The following ADORA1 variants were observed in gnomAD, a reference collection of about 807,000 sequenced individuals.
The protein encoded by ADORA1 is adenosine A1 receptor.
In ADORA1, 6 loss-of-function variants were observed where a neutral mutation model predicts 19.9. That is an observed-to-expected ratio of 0.30 (90% confidence interval 0.17 to 0.59). ADORA1 has a LOEUF of 0.59. ADORA1 is among the 20% of genes least tolerant of loss of function. The probability of loss-of-function intolerance (pLI) is 0.87; values close to 1 mark genes in which losing one functional copy is unlikely to be tolerated. For synonymous variants in ADORA1, 194 were observed against 188.4 expected (o/e 1.03, Z -0.24); for missense variants, 302 against 439.2 (o/e 0.69, Z 2.79).
At chr1:203,156,743 C>T (rs976107481) in intron 3 of ADORA1, among the ~76,000 whole-genome samples, 5 of 152,164 alleles carry the variant, frequency 3.3e-5, no homozygotes, top group Admixed American at 2.6e-4. Context: ...TTATTTGGCT[C>T]ACAGTTCTGG....
chr1:203,154,992 C>T (rs1394565644), intron 3 of ADORA1, among the ~76,000 whole-genome samples: 1 of 151,384 alleles, frequency 6.6e-6, no homozygotes, highest in African/African-American at 2.4e-5. Context: ...TGTTCACCAT[C>T]TGATGGCATC....
intron 3 of ADORA1, among the ~76,000 whole-genome samples, chr1:203,150,972 T>C (rs1655013047): frequency 6.6e-6 from 1 of 152,170 alleles, no homozygotes; most frequent in Non-Finnish European, 1.5e-5. Context: ...CACTCCAGAC[T>C]GTCAGCAGGC....
intron 3 of ADORA1, chr1:203,152,789 C>T (rs539774607): frequency 6.6e-6 from 1 of 152,348 alleles, no homozygotes; most frequent in Non-Finnish European, 1.5e-5. Flanking sequence ...AGGACCACCG[C>T]CTCACGGGGA....
At position 203,150,610 on chromosome 1, in the gene ADORA1, A is replaced by T. The variant is rs3820147; in HGVS notation, c.342-14651A>T. ...GGGGAGAAAGGCCAGGATCGGGGAG[A>T]ATATGACTGTACTTCTTCCAGGTCC... On this transcript the variant is annotated intron_variant, in intron 3 of 3. Coordinates refer to ENST00000337894, the MANE Select transcript of ADORA1 (RefSeq NM_000674.3). 3.7e-3 allele frequency: 4,788 copies of T among 1,288,798 alleles called. 158 individuals are homozygous for T. In the East Asian group the frequency reaches 0.099, roughly 27 times the overall value. 79.8% of individuals were successfully genotyped at this position (1,288,798 alleles called of 1,614,324 possible).
chr1:203,133,518 G>C (rs1287251391), intron 3 of ADORA1, among the ~76,000 whole-genome samples: 1 of 152,238 alleles, frequency 6.6e-6, no homozygotes, highest in African/African-American at 2.4e-5. Flanking sequence ...TTGACTCTAG[G>C]CCTAACAGAT....
intron 3 of ADORA1, among the ~76,000 whole-genome samples, chr1:203,137,062 G>T (rs1418630468): frequency 1.3e-5 from 2 of 152,174 alleles, no homozygotes; most frequent in Non-Finnish European, 2.9e-5. Flanking sequence ...AAAAGAAAAA[G>T]GGGGCAGGGT....
chr1:203,165,293 C>A lies in ADORA1; in HGVS notation c.374C>A (p.Ala125Glu). The A allele has an allele frequency of 6.4e-7, 1 of 1,571,332 alleles. No homozygotes were observed. ...ATGGTGGTGACCCCCCGGAGGGCGG[C>A]GGTGGCCATAGCCGGCTGCTGGATC... The part of the protein sequence containing the change: ...YKMVVTPRRA[A>E]VAIAGCWILS... The change falls in exon 4 of 4, where the codon GCG becomes GAG. Residue 125 changes from alanine (A) to glutamate (E), a missense_variant. Transcript: ENST00000337894. The surrounding 1 kb of genome is among the most constrained non-coding windows in gnomAD (Gnocchi z 5.9).
intron 3 of ADORA1, among the ~76,000 whole-genome samples, chr1:203,146,643 GAGAA>G (rs932812830): frequency 2.0e-4 from 29 of 145,008 alleles, no homozygotes; most frequent in Non-Finnish European, 3.7e-4. Context: ...AAAAAAAAAA[GAGAA>G]AGAGAGAGAA....
At chr1:203,163,510 T>TTGG (rs949662136) in intron 3 of ADORA1, among the ~76,000 whole-genome samples, 1 of 152,070 alleles carries the variant, frequency 6.6e-6, no homozygotes, top group Admixed American at 6.5e-5. Context: ...TCAAGGCCCC[T>TTGG]TGGTGGTGGT....
Position 203,128,280 on chromosome 1 carries a change from C to G in ADORA1, c.-210C>G, listed in dbSNP as rs56367024. ...CGTACCATGTGATTGCTTGAAAGGC[C>G]GGGCTGGGAGCGCTGCGGCGGGAGC... On this transcript the variant is annotated splice_region_variant and 5_prime_UTR_variant, in exon 2 of 4. Coordinates refer to ENST00000337894, the MANE Select transcript of ADORA1 (RefSeq NM_000674.3). The surrounding 1 kb of genome is among the most constrained non-coding windows in gnomAD (Gnocchi z 5.9). 1 of 1,261,484 alleles carries G rather than the reference C, an allele frequency of 7.9e-7. No individual in the cohort carries two copies. Among genetic ancestry groups the G allele is most frequent in the Non-Finnish European group, 1.0e-6 (1 of 968,038 alleles). The allele number at this position is 1,261,484 out of a possible 1,614,324, so 78.1% of individuals were successfully genotyped here.
Position 203,128,276 on chromosome 1 carries a change from AG to A in ADORA1, c.-212del. 1 of 1,255,690 alleles carries A rather than the reference AG, an allele frequency of 8.0e-7. No homozygotes were observed. The highest frequency in any genetic ancestry group is 1.3e-5 in the South Asian group (1 of 79,072). The allele number at this position is 1,255,690 out of a possible 1,614,324, so 77.8% of individuals were successfully genotyped here. A position where few individuals can be genotyped will look rare whatever the true frequency, so the allele number is the denominator to read the frequency against. ...CTGCCGTACCATGTGATTGCTTGAA[AG>A]GCCGGGCTGGGAGCGCTGCGGCGGG... On this transcript the variant is annotated splice_acceptor_variant, in intron 1 of 3. Coordinates refer to ENST00000337894, the MANE Select transcript of ADORA1 (RefSeq NM_000674.3). LOFTEE classifies it low-confidence loss of function (5UTR_SPLICE). This position sits in a 1 kb window ranked among gnomAD's most constrained non-coding sequence, Gnocchi z 5.9.
Position 203,150,830 on chromosome 1 carries a change from A to T in ADORA1, c.342-14431A>T, listed in dbSNP as rs1020493761. ...TCCTCCCCCTATCTGCTGTCTGTTG[A>T]ATCTTTTCCAGGGCAGGGGGCTAGG... On this transcript the variant is annotated intron_variant, in intron 3 of 3. Transcript: ENST00000337894. 6 of 1,284,310 alleles carry T rather than the reference A, an allele frequency of 4.7e-6. No homozygotes were observed. In the African/African-American group the frequency reaches 7.6e-5, roughly 16 times the overall value. 79.6% of individuals were successfully genotyped at this position (1,284,310 alleles called of 1,614,324 possible).
intron 3 of ADORA1, among the ~76,000 whole-genome samples, chr1:203,142,151 A>G (rs1654715909): frequency 6.6e-6 from 1 of 152,196 alleles, no homozygotes; most frequent in Non-Finnish European, 1.5e-5. Flanking sequence ...TGTACGTTCA[A>G]GGGCTGGCAC....
Position 203,147,830 on chromosome 1 carries a change from C to A in ADORA1, c.342-17431C>A, listed in dbSNP as rs532239164. 2.6e-4 allele frequency among the ~76,000 whole-genome samples: 39 copies of A among 152,318 alleles called. No individual in the cohort carries two copies. The South Asian group carries it at 8.1e-3, about 32-fold the overall frequency. On this transcript the variant is annotated intron_variant, in intron 3 of 3. Coordinates refer to ENST00000337894, the MANE Select transcript of ADORA1 (RefSeq NM_000674.3). Reference sequence around the variant, plus strand: ...ATAGTAATTTAGAAAGCTGGATTTGCTCACTCCACAATGTATAAATGTTTT... The same window carrying A: ...ATAGTAATTTAGAAAGCTGGATTTGATCACTCCACAATGTATAAATGTTTT...
chr1:203,135,390 G>T (rs1654473078), intron 3 of ADORA1, among the ~76,000 whole-genome samples: 1 of 152,146 alleles, frequency 6.6e-6, no homozygotes, highest in Non-Finnish European at 1.5e-5. Flanking sequence ...TGGGCGCGGT[G>T]GCTCATGCCT....
At chr1:203,139,429 G>A (rs572951416) in intron 3 of ADORA1, among the ~76,000 whole-genome samples, 2 of 152,284 alleles carry the variant, frequency 1.3e-5, no homozygotes, top group South Asian at 2.1e-4. Context: ...AAGAGGTGGT[G>A]GAGAGAGCAG....
chr1:203,159,177 T>C (rs1029412011), intron 3 of ADORA1, among the ~76,000 whole-genome samples: 1 of 152,218 alleles, frequency 6.6e-6, no homozygotes, highest in Admixed American at 6.5e-5. Flanking sequence ...CCCACCCTCA[T>C]CTGCCTGGAT....
At chr1:203,150,486 G>C in intron 3 of ADORA1, 1 of 627,896 alleles carries the variant, frequency 1.6e-6, no homozygotes, top group South Asian at 1.8e-5. Flanking sequence ...GGCAAAGAGA[G>C]CATCAGGAGA....
chr1:203,146,608 C>G (rs2102749974), intron 3 of ADORA1, among the ~76,000 whole-genome samples: 1 of 128,512 alleles, frequency 7.8e-6, no homozygotes, highest in Admixed American at 8.4e-5. Context: ...GGCTGGGTGA[C>G]AGAATGAAAG....
Sources: allele counts gnomAD v4.1 joint callset (sites outside exome capture counted in the v4.1 genomes callset), GRCh38; gene constraint gnomAD v4.1.1; non-coding constraint Gnocchi (gnomAD v3.1); transcripts MANE v1.5; gene names NCBI Gene and HGNC (gene_info 2026-07-23, HGNC 2026-07-21).